The following CLSTN2 variants were observed in gnomAD, a reference collection of about 807,000 sequenced individuals.
The protein encoded by CLSTN2 is calsyntenin-2.
A neutral mutation model predicts 101.2 loss-of-function variants in CLSTN2; 48 were observed. That is an observed-to-expected ratio of 0.47 (90% CI 0.38 to 0.60). CLSTN2 has a LOEUF of 0.60. Ranked by LOEUF, CLSTN2 falls within the 20% of genes least tolerant of loss-of-function variation. CLSTN2 has a pLI of 0.00. For missense variants in CLSTN2, 1,160 were observed against 1,238.2 expected (o/e 0.94, Z 0.95); for synonymous variants, 481 against 463.6 (o/e 1.04, Z -0.48).
At chr3:140,083,685 G>A (rs963483285) in intron 1 of CLSTN2, among the ~76,000 whole-genome samples, 2 of 152,172 alleles carry the variant, frequency 1.3e-5, no homozygotes, top group Admixed American at 6.5e-5. Context: ...ATGAGTTCAA[G>A]TTTTAGTGTA....
intron 1 of CLSTN2, among the ~76,000 whole-genome samples, chr3:140,061,210 T>C (rs1312631354): frequency 6.6e-6 from 1 of 152,128 alleles, no homozygotes; most frequent in African/African-American, 2.4e-5. Flanking sequence ...ACCAATGTGG[T>C]AGGTAAACCC....
chr3:139,962,830 A>T (rs1935534721), intron 1 of CLSTN2, among the ~76,000 whole-genome samples: 1 of 152,102 alleles, frequency 6.6e-6, no homozygotes, highest in South Asian at 2.1e-4. Context: ...GTTTTTGGTT[A>T]TTCCCAATAA....
intron 1 of CLSTN2, among the ~76,000 whole-genome samples, chr3:140,128,690 T>A (rs1225833447): frequency 6.6e-6 from 1 of 152,140 alleles, no homozygotes; most frequent in Non-Finnish European, 1.5e-5. Context: ...TCTGGGCGAA[T>A]AAATACCCCA....
At position 139,955,112 on chromosome 3, in the gene CLSTN2, C is replaced by CCATATATATATATATATATA. The variant is rs1553785577; in HGVS notation, c.109+19629_109+19630insCATATATATATATATATATA. 8.9e-4 allele frequency among the ~76,000 whole-genome samples: 64 copies of CCATATATATATATATATATA among 71,534 alleles called. 1 individual carries two copies. Among genetic ancestry groups the CCATATATATATATATATATA allele is most frequent in the Non-Finnish European group, 1.2e-3 (48 of 39,780 alleles). The allele number at this position is 71,534 out of a possible 152,430, so 46.9% of individuals were successfully genotyped here. Reference sequence around the variant, plus strand: ...CATACATGTATATATGGCAATATTGCTATATATATATATATATATATATAT... The same window carrying CCATATATATATATATATATA: ...CATACATGTATATATGGCAATATTGCCATATATATATATATATATATATATATATATATATATATATATAT... On this transcript the variant is annotated intron_variant, in intron 1 of 16. Coordinates refer to ENST00000458420, the MANE Select transcript of CLSTN2 (RefSeq NM_022131.3).
At chr3:140,250,781 GA>G (rs2086557647) in intron 2 of CLSTN2, among the ~76,000 whole-genome samples, 1 of 152,164 alleles carries the variant, frequency 6.6e-6, no homozygotes, top group Admixed American at 6.5e-5. Context: ...CCCCAAACTC[GA>G]GAGTAAAACA....
At chr3:139,936,273 G>C (rs1935018013) in intron 1 of CLSTN2, among the ~76,000 whole-genome samples, 1 of 152,278 alleles carries the variant, frequency 6.6e-6, no homozygotes, top group Admixed American at 6.5e-5. Context: ...TGGGAGCGTC[G>C]GGAGCTCTGG....
intron 2 of CLSTN2, among the ~76,000 whole-genome samples, chr3:140,377,185 C>T (rs9877035): frequency 0.96 from 145,691 of 152,268 alleles, 70,019 homozygotes; most frequent in East Asian, 1. Context: ...CATATCATTG[C>T]ACATTACTCA....
chr3:140,289,096 T>C (rs2086925720), intron 2 of CLSTN2, among the ~76,000 whole-genome samples: 1 of 152,192 alleles, frequency 6.6e-6, no homozygotes, highest in Admixed American at 6.5e-5. Flanking sequence ...GTAGCCCCAG[T>C]GTAGCTAATG....
chr3:140,490,974 G>C (rs922937983), intron 8 of CLSTN2, among the ~76,000 whole-genome samples: 2 of 152,190 alleles, frequency 1.3e-5, no homozygotes, highest in Non-Finnish European at 2.9e-5. Flanking sequence ...GACAGAGAGA[G>C]GCAGAACATT....
intron 2 of CLSTN2, among the ~76,000 whole-genome samples, chr3:140,377,920 G>A (rs930905913): frequency 6.6e-6 from 1 of 152,060 alleles, no homozygotes; most frequent in South Asian, 2.1e-4. Context: ...CTGCATTCAT[G>A]GTAAGTGCCC....
At chr3:140,006,321 C>A (rs2107749500) in intron 1 of CLSTN2, among the ~76,000 whole-genome samples, 1 of 152,280 alleles carries the variant, frequency 6.6e-6, no homozygotes, top group African/African-American at 2.4e-5. Context: ...TAATCTTCCT[C>A]CCACAAATCT....
At chr3:140,387,737 T>C (rs2088068230) in intron 2 of CLSTN2, among the ~76,000 whole-genome samples, 1 of 152,254 alleles carries the variant, frequency 6.6e-6, no homozygotes, top group African/African-American at 2.4e-5. Flanking sequence ...AAAAGATATT[T>C]AGCACTTTAT....
At chr3:140,014,056 A>G (rs1187553642) in intron 1 of CLSTN2, among the ~76,000 whole-genome samples, 3 of 152,120 alleles carry the variant, frequency 2.0e-5, no homozygotes, top group East Asian at 3.9e-4. Flanking sequence ...CCATTTTCCA[A>G]TTCCATAGCC....
intron 1 of CLSTN2, among the ~76,000 whole-genome samples, chr3:140,016,236 A>G (rs2007198974): frequency 6.6e-6 from 1 of 152,330 alleles, no homozygotes; most frequent in South Asian, 2.1e-4. Flanking sequence ...GAGAGCTGAG[A>G]CTGGCTTGGA....
Position 140,573,529 on chromosome 3 carries a change from CTG to C in CLSTN2, c.*7279_*7280del, listed in dbSNP as rs1985631066. ...CAACTATTGATTTATAGCTTAAACT[CTG>C]TGAAGGTCCACAGACCTTTGAAAGG... On this transcript the variant is annotated 3_prime_UTR_variant, in exon 17 of 17. Transcript: ENST00000458420. 6.6e-6 allele frequency: 1 copy of C among 152,166 alleles called. No homozygotes were observed. The highest frequency in any genetic ancestry group is 1.5e-5 in the Non-Finnish European group (1 of 68,028). The allele number at this position is 152,166 out of a possible 1,614,324, so 9.4% of individuals were successfully genotyped here. A position where few individuals can be genotyped will look rare whatever the true frequency, so the allele number is the denominator to read the frequency against.
chr3:140,541,554 A>G (rs349555), intron 9 of CLSTN2, among the ~76,000 whole-genome samples: 8,173 of 152,188 alleles, frequency 0.054, 256 homozygotes, highest in Admixed American at 0.077. Flanking sequence ...TGTCGGGATT[A>G]CCTTACTTAG....
chr3:140,293,296 C>T (rs145748738), intron 2 of CLSTN2, among the ~76,000 whole-genome samples: 1 of 152,254 alleles, frequency 6.6e-6, no homozygotes, highest in Non-Finnish European at 1.5e-5. Flanking sequence ...CACGGAGGGG[C>T]AGTTGGCACT....
At chr3:140,449,569 G>A (rs1382696376) in intron 6 of CLSTN2, 6 of 152,270 alleles carry the variant, frequency 3.9e-5, no homozygotes, top group Middle Eastern at 3.4e-3. Context: ...CAGTAGTACC[G>A]CCTCCCTTTT....
rs542301962 is a variant in CLSTN2, at chr3:140,472,273, C to T, written c.1344+5542C>T. ...CATTTGTCTTGGGCCAGAGCCTTTG[C>T]TTATCAAGTCCATTCTACTTGCATA... On this transcript the variant is annotated intron_variant, in intron 8 of 16. Transcript: ENST00000458420. Among the ~76,000 whole-genome samples the T allele has an allele frequency of 2.0e-5, 3 of 152,258 alleles. No individual in the cohort carries two copies. The South Asian group carries it at 6.2e-4, about 32-fold the overall frequency.
Sources: allele counts gnomAD v4.1 joint callset (sites outside exome capture counted in the v4.1 genomes callset), GRCh38; gene constraint gnomAD v4.1.1; transcripts MANE v1.5; gene names NCBI Gene and HGNC (gene_info 2026-07-23, HGNC 2026-07-21).